Variants in RBFOX3 observed in about 807,000 individuals in gnomAD.
The protein encoded by RBFOX3 is RNA binding protein fox-1 homolog 3.
Under a neutral mutation model 48.7 loss-of-function variants are expected in RBFOX3, and 17 were observed. The ratio of observed to expected loss-of-function variants is 0.35; its 90% CI spans 0.24 to 0.52. The LOEUF (loss-of-function observed/expected upper bound fraction) is 0.52. Ranked by LOEUF, RBFOX3 falls within the 20% of genes least tolerant of loss-of-function variation. The pLI is 0.94. For missense variants in RBFOX3, 382 were observed against 497.5 expected (o/e 0.77, Z 2.21); for synonymous variants, 212 against 209.5 (o/e 1.01, Z -0.10).
At chr17:79,657,787 G>T in the RBFOX3 span, among the ~76,000 whole-genome samples, 1 of 152,242 alleles carries the variant, frequency 6.6e-6, no homozygotes, top group African/African-American at 2.4e-5. Flanking sequence ...AGAATGCAGA[G>T]GTTACAATGC....
chr17:79,509,940 G>A (rs958919740), intron 1 of RBFOX3, among the ~76,000 whole-genome samples: 168 of 152,358 alleles, frequency 1.1e-3, no homozygotes, highest in African/African-American at 4.0e-3. Context: ...CATGACGCCT[G>A]GGAGAGGAGG....
intron 4 of RBFOX3, among the ~76,000 whole-genome samples, chr17:79,192,631 C>T (rs2054744653): frequency 6.6e-6 from 1 of 152,152 alleles, no homozygotes; most frequent in Admixed American, 6.5e-5. Flanking sequence ...ACCCTCCTGG[C>T]AGCACGGAAC....
chr17:79,202,236 A>G (rs1029400907), intron 4 of RBFOX3, among the ~76,000 whole-genome samples: 4 of 152,098 alleles, frequency 2.6e-5, no homozygotes, highest in African/African-American at 9.7e-5. Context: ...TATCATCTAC[A>G]GGGGCCTCTT....
chr17:79,315,448 G>A (rs2077405535), intron 2 of RBFOX3, among the ~76,000 whole-genome samples: 1 of 152,232 alleles, frequency 6.6e-6, no homozygotes, highest in South Asian at 2.1e-4. Context: ...GGAAGTCAGA[G>A]GGGACGTGAA....
At chr17:79,373,336 A>T (rs1399889351) in intron 2 of RBFOX3, among the ~76,000 whole-genome samples, 1 of 152,104 alleles carries the variant, frequency 6.6e-6, no homozygotes, top group Non-Finnish European at 1.5e-5. Flanking sequence ...TGAAGCTCAG[A>T]GAGGGAAGGG....
At chr17:79,456,816 C>T (rs1555745226) in intron 2 of RBFOX3, among the ~76,000 whole-genome samples, 1 of 152,036 alleles carries the variant, frequency 6.6e-6, no homozygotes, top group East Asian at 1.9e-4. Context: ...GAGGTCTGGG[C>T]ACAAGTCAGT....
At position 79,107,887 on chromosome 17, in the gene RBFOX3, G is replaced by A. The variant is rs529801811; in HGVS notation, c.223-1099C>T. Among the ~76,000 whole-genome samples, 20 of 152,314 alleles carry A rather than the reference G, an allele frequency of 1.3e-4. 1 individual carries two copies. In the South Asian group the frequency reaches 4.1e-3, roughly 32 times the overall value. ...CTCGGTGGCGACAGGCACAGGTGGTGGGTGCACGCTCCAGCTCCCGCGGGG... is the reference window on the plus strand; with the variant it reads ...CTCGGTGGCGACAGGCACAGGTGGTAGGTGCACGCTCCAGCTCCCGCGGGG... On this transcript the variant is annotated intron_variant, in intron 5 of 14. Coordinates refer to ENST00000693108, the MANE Select transcript of RBFOX3 (RefSeq NM_001350451.2).
chr17:79,203,693 G>T (rs1318952303), intron 4 of RBFOX3, among the ~76,000 whole-genome samples: 1 of 152,012 alleles, frequency 6.6e-6, no homozygotes, highest in Non-Finnish European at 1.5e-5. Context: ...CTTTGAAAAA[G>T]GAAAACAACT....
chr17:79,412,648 G>C (rs1183011423), intron 2 of RBFOX3, among the ~76,000 whole-genome samples: 1 of 151,602 alleles, frequency 6.6e-6, no homozygotes, highest in Non-Finnish European at 1.5e-5. Context: ...GTATGCATGT[G>C]TTGTGTGTGA....
chr17:79,207,568 G>A (rs2147010244), intron 4 of RBFOX3, among the ~76,000 whole-genome samples: 1 of 152,378 alleles, frequency 6.6e-6, no homozygotes. Context: ...GGGCCTATGG[G>A]CTGTGGGGTC....
intron 1 of RBFOX3, among the ~76,000 whole-genome samples, chr17:79,524,353 A>G (rs1274246033): frequency 6.6e-6 from 1 of 152,170 alleles, no homozygotes; most frequent in African/African-American, 2.4e-5. Flanking sequence ...ACAGGAGTTT[A>G]ACGGAGACCT....
intron 2 of RBFOX3, among the ~76,000 whole-genome samples, chr17:79,470,984 G>A (rs1030526968): frequency 5.9e-5 from 9 of 151,988 alleles, no homozygotes; most frequent in African/African-American, 1.7e-4. Flanking sequence ...CCCACTGCAC[G>A]CATGTTCTAG....
chr17:79,529,465 C>T (rs2087350655), intron 1 of RBFOX3, among the ~76,000 whole-genome samples: 1 of 152,180 alleles, frequency 6.6e-6, no homozygotes, highest in Non-Finnish European at 1.5e-5. Flanking sequence ...GACTGGGGTG[C>T]AGGAGTGGGA....
chr17:79,387,019 T>C (rs2060649168), intron 2 of RBFOX3, among the ~76,000 whole-genome samples: 2 of 152,222 alleles, frequency 1.3e-5, no homozygotes, highest in South Asian at 2.1e-4. Context: ...ATTTTTTACA[T>C]GATTTTCCCC....
chr17:79,334,278 C>T (rs2080852739), intron 2 of RBFOX3, among the ~76,000 whole-genome samples: 2 of 152,162 alleles, frequency 1.3e-5, no homozygotes, highest in African/African-American at 4.8e-5. Flanking sequence ...TCACTGGCAC[C>T]CAATGCTTCT....
chr17:79,585,195 G>C (rs2093208264), intron 1 of RBFOX3, among the ~76,000 whole-genome samples: 1 of 152,142 alleles, frequency 6.6e-6, no homozygotes, highest in South Asian at 2.1e-4. Flanking sequence ...CCACTAAAAA[G>C]CTTGTTTATG....
intron 1 of RBFOX3, among the ~76,000 whole-genome samples, chr17:79,492,435 AGC>A (rs1288889598): frequency 6.6e-6 from 1 of 152,224 alleles, no homozygotes; most frequent in Non-Finnish European, 1.5e-5. Flanking sequence ...GGAGGAAGTC[AGC>A]CGCCCTGTCA....
the RBFOX3 span, among the ~76,000 whole-genome samples, chr17:79,624,305 G>T: frequency 1.3e-5 from 2 of 152,036 alleles, no homozygotes; most frequent in Non-Finnish European, 2.9e-5. Context: ...GGACACACCT[G>T]CCTGGCCAAG....
rs117404245 is a variant in RBFOX3 at position 79,148,674 on chromosome 17, C to T, written c.-33-32926G>A. On this transcript the variant is annotated intron_variant, in intron 4 of 14. Transcript: ENST00000693108. ...AAGACCAAGATCTAATCTCAGTGCC[C>T]GACATGAGGCAGTTGCTTCCTGGAA... Among the ~76,000 whole-genome samples the T allele has an allele frequency of 8.0e-3, 1,221 of 152,308 alleles. 6 individuals are homozygous for T. The highest frequency in any genetic ancestry group is 0.011 in the Non-Finnish European group (781 of 68,038).
Sources: allele counts gnomAD v4.1 joint callset (sites outside exome capture counted in the v4.1 genomes callset), GRCh38; gene constraint gnomAD v4.1.1; transcripts MANE v1.5; gene names NCBI Gene and HGNC (gene_info 2026-07-23, HGNC 2026-07-21).